MACC1: variants seen among roughly 807,000 people sequenced by gnomAD.
MACC1 encodes MET transcriptional regulator MACC1, also known as metastasis-associated in colon cancer protein 1.
A neutral mutation model predicts 70.7 loss-of-function variants in MACC1; 79 were observed. The ratio of observed to expected loss-of-function variants is 1.12; its 90% confidence interval spans 0.93 to 1.35. The LOEUF is 1.35. Ranked by LOEUF, MACC1 falls within the 40% of genes most tolerant of loss-of-function variation. The probability of loss-of-function intolerance (pLI) is 0.00; values close to 1 mark genes in which losing one functional copy is unlikely to be tolerated. For synonymous variants in MACC1, 361 were observed against 347.2 expected (o/e 1.04, Z -0.44); for missense variants, 1,106 against 978.1 (o/e 1.13, Z -1.74).
chr7:20,200,010 T>C (rs1782809222), intron 1 of MACC1, among the ~76,000 whole-genome samples: 1 of 151,874 alleles, frequency 6.6e-6, no homozygotes, highest in Admixed American at 6.6e-5. Context: ...GATAAACAAG[T>C]GGCTATACCA....
At chr7:20,202,094 G>A (rs1400502842) in intron 1 of MACC1, among the ~76,000 whole-genome samples, 2 of 152,196 alleles carry the variant, frequency 1.3e-5, no homozygotes, top group Non-Finnish European at 2.9e-5. Flanking sequence ...AGCAGAAAAT[G>A]AGTCTGGTCT....
rs1781783427 is a variant in MACC1, at chr7:20,140,684, T to A, written c.*262A>T. 1 of 351,702 alleles carries A rather than the reference T, an allele frequency of 2.8e-6. No individual in the cohort carries two copies. Among genetic ancestry groups the A allele is most frequent in the Non-Finnish European group, 5.1e-6 (1 of 197,704 alleles). The allele number at this position is 351,702 out of a possible 1,614,324, so 21.8% of individuals were successfully genotyped here. ...TATTTGAAACATACACAAAAATACA[T>A]ATTTGAGGATAAAACCCATCTTGGT... On this transcript the variant is annotated 3_prime_UTR_variant, in exon 7 of 7. Transcript: ENST00000400331.
At position 20,136,476 on chromosome 7, in the gene MACC1, C is replaced by A. The variant is rs1051429025; in HGVS notation, c.*4470G>T. The A allele has an allele frequency of 6.6e-6, 1 of 152,116 alleles. No homozygotes were observed. Among genetic ancestry groups the A allele is most frequent in the Non-Finnish European group, 1.5e-5 (1 of 68,014 alleles). 9.4% of individuals were successfully genotyped at this position (152,116 alleles called of 1,614,324 possible). ...AGAAAATCAATGTAAAATATACATG[C>A]AAAAGATACACATTTCTACAATGTT... On this transcript the variant is annotated 3_prime_UTR_variant, in exon 7 of 7. Transcript: ENST00000400331.
At chr7:20,164,069 C>T (rs551834196) in intron 3 of MACC1, among the ~76,000 whole-genome samples, 187 bp downstream of exon 3, 3 of 151,978 alleles carry the variant, frequency 2.0e-5, no homozygotes, top group Admixed American at 6.6e-5. Context: ...CCAGAGTAGC[C>T]GGGATTACAG....
chr7:20,187,975 G>A (rs937868325), intron 1 of MACC1, among the ~76,000 whole-genome samples: 18 of 152,280 alleles, frequency 1.2e-4, no homozygotes, highest in South Asian at 2.1e-4. Flanking sequence ...AGTTCTGCAC[G>A]GCTGGGGAGG....
chr7:20,165,846 C>T (rs564422101), intron 2 of MACC1, among the ~76,000 whole-genome samples: 1 of 152,162 alleles, frequency 6.6e-6, no homozygotes, highest in African/African-American at 2.4e-5. Context: ...TGATCCATTA[C>T]TTTTTTCCTT....
chr7:20,175,770 A>G (rs1158375430), intron 1 of MACC1, among the ~76,000 whole-genome samples: 1 of 152,126 alleles, frequency 6.6e-6, no homozygotes, highest in African/African-American at 2.4e-5. Flanking sequence ...ATAGCATTTT[A>G]ACATGACTCT....
chr7:20,150,527 A>G lies in MACC1; in HGVS notation c.2346+3666T>C, dbSNP rs536413000. 7 of 152,366 alleles carry G rather than the reference A, an allele frequency of 4.6e-5. No individual in the cohort carries two copies. The East Asian group carries it at 1.3e-3, about 29-fold the overall frequency. The allele number at this position is 152,366 out of a possible 1,614,324, so 9.4% of individuals were successfully genotyped here. On this transcript the variant is annotated intron_variant, in intron 6 of 6. Coordinates refer to ENST00000400331, the MANE Select transcript of MACC1 (RefSeq NM_182762.4). Reference sequence around the variant, plus strand: ...AGATACAAAGGAGTATTAGATCTGCATTGATTAAATGGTGACTACAAATAG... The same window carrying G: ...AGATACAAAGGAGTATTAGATCTGCGTTGATTAAATGGTGACTACAAATAG...
chr7:20,134,771 G>C lies in MACC1; in HGVS notation c.*6175C>G, dbSNP rs1781697610. ...TAGGGACATTTAAAATCTACTTCCA[G>C]TCACAAAAGGGCAGAGTCTTGATAT... On this transcript the variant is annotated 3_prime_UTR_variant, in exon 7 of 7. Transcript: ENST00000400331. 6.6e-6 allele frequency: 1 copy of C among 152,130 alleles called. No homozygotes were observed. The allele number at this position is 152,130 out of a possible 1,614,324, so 9.4% of individuals were successfully genotyped here. A position where few individuals can be genotyped will look rare whatever the true frequency, so the allele number is the denominator to read the frequency against.
chr7:20,141,297 A>G, intron 6 of MACC1, 139 bp from the exon 7 acceptor site: 1 of 542,296 alleles, frequency 1.8e-6, no homozygotes, highest in Non-Finnish European at 3.1e-6. Flanking sequence ...ATTTGATGTC[A>G]TAGAAAATAT....
chr7:20,144,945 T>G (rs1468847855), intron 6 of MACC1, among the ~76,000 whole-genome samples: 3 of 152,152 alleles, frequency 2.0e-5, no homozygotes, highest in Admixed American at 6.5e-5. Context: ...ATCACATGCT[T>G]CATCTTGCAA....
intron 1 of MACC1, among the ~76,000 whole-genome samples, chr7:20,183,710 C>CCTT (rs1554290513): frequency 7.1e-6 from 1 of 140,564 alleles, no homozygotes; most frequent in Non-Finnish European, 1.5e-5. Flanking sequence ...CTGATTCTAA[C>CCTT]TTTTTTTTTT....
In MACC1 at chr7:20,182,978, T is replaced by A. The variant is rs118152892; in HGVS notation, c.-217-12200A>T. 7.4e-3 allele frequency among the ~76,000 whole-genome samples: 1,127 copies of A among 152,334 alleles called. 29 individuals carry two copies. The highest frequency in any genetic ancestry group is 0.039 in the East Asian group (201 of 5,190). On this transcript the variant is annotated intron_variant, in intron 1 of 6. Coordinates refer to ENST00000400331, the MANE Select transcript of MACC1 (RefSeq NM_182762.4). Reference sequence around the variant, plus strand: ...AACATTTAAATAGAACTTAATTGAATTTGACGAGTGGGGTAGCCTGAATTC... The same window carrying A: ...AACATTTAAATAGAACTTAATTGAAATTGACGAGTGGGGTAGCCTGAATTC...
At chr7:20,165,329 T>C (rs1326093559) in intron 2 of MACC1, among the ~76,000 whole-genome samples, 1 of 152,148 alleles carries the variant, frequency 6.6e-6, no homozygotes, top group Non-Finnish European at 1.5e-5. Context: ...GTGGTTCGGT[T>C]CCAAGGGGCA....
chr7:20,159,747 G>A lies in MACC1; in HGVS notation c.614C>T (p.Ala205Val), dbSNP rs1013042096. The change falls in exon 5 of 7, where the codon GCC becomes GTC. Residue 205 changes from alanine (A) to valine (V), a missense_variant. Physicochemically the swap from Ala to Val is moderately conservative, Grantham distance 64. Transcript: ENST00000400331. ...LNTISQSPGW[A>V]QTQLAEVTIA... is the part of the protein sequence containing the mutation. ...GGTGACCTCCGCAAGTTGTGTCTGG[G>A]CCCATCCAGGGCTCTGACTAATTGT... The A allele has an allele frequency of 1.9e-6, 3 of 1,614,110 alleles. No individual in the cohort carries two copies. Among genetic ancestry groups the A allele is most frequent in the African/African-American group, 1.3e-5 (1 of 75,044 alleles).
intron 2 of MACC1, chr7:20,170,254 C>CA (rs1461360041): frequency 6.6e-6 from 1 of 152,190 alleles, no homozygotes; most frequent in Non-Finnish European, 1.5e-5. Context: ...AAAGTGGTTA[C>CA]AATGATACGT....
intron 1 of MACC1, among the ~76,000 whole-genome samples, chr7:20,200,184 A>G (rs1170348700): frequency 3.9e-5 from 6 of 152,134 alleles, no homozygotes; most frequent in Non-Finnish European, 7.4e-5. Context: ...GAAAGGAAAT[A>G]CAGGGGCTAA....
At chr7:20,195,735 A>T (rs949462006) in intron 1 of MACC1, among the ~76,000 whole-genome samples, 10 of 152,188 alleles carry the variant, frequency 6.6e-5, no homozygotes, top group African/African-American at 9.7e-5. Flanking sequence ...AGCTTCTGTG[A>T]GCTGGATGTG....
chr7:20,146,606 T>C lies in MACC1; in HGVS notation c.2347-5448A>G, dbSNP rs192331954. On this transcript the variant is annotated intron_variant, in intron 6 of 6. Coordinates refer to ENST00000400331, the MANE Select transcript of MACC1 (RefSeq NM_182762.4). Reference sequence around the variant, plus strand: ...TAATCCTCCGAAGGCTAGAAAGGAGTTGCAGACAGCCAAGATCTCTTCCAG... The same window carrying C: ...TAATCCTCCGAAGGCTAGAAAGGAGCTGCAGACAGCCAAGATCTCTTCCAG... 4.0e-4 allele frequency among the ~76,000 whole-genome samples: 61 copies of C among 152,278 alleles called. No homozygotes were observed. In the East Asian group the frequency reaches 8.5e-3, roughly 21 times the overall value.
Sources: allele counts gnomAD v4.1 joint callset (sites outside exome capture counted in the v4.1 genomes callset), GRCh38; gene constraint gnomAD v4.1.1; transcripts MANE v1.5; gene names NCBI Gene and HGNC (gene_info 2026-07-23, HGNC 2026-07-21).